Variants in PHF21B observed in about 807,000 individuals in gnomAD.
PHF21B encodes the protein PHD finger protein 4.
A neutral mutation model predicts 62.2 loss-of-function variants in PHF21B; 22 were observed. That is an observed-to-expected ratio of 0.35 (90% CI 0.25 to 0.51). The LOEUF (loss-of-function observed/expected upper bound fraction) is 0.51. Ranked by LOEUF, PHF21B falls within the 20% of genes least tolerant of loss-of-function variation. The probability of loss-of-function intolerance (pLI) is 0.97; values close to 1 mark genes in which losing one functional copy is unlikely to be tolerated. For synonymous variants in PHF21B, 341 were observed against 314.7 expected (o/e 1.08, Z -0.88); for missense variants, 701 against 707.9 (o/e 0.99, Z 0.11).
At position 44,920,367 on chromosome 22, in the gene PHF21B, A is replaced by G. The variant is rs761526779; in HGVS notation, c.213+31T>C. On this transcript the variant is annotated intron_variant, in intron 3 of 12. Coordinates refer to ENST00000313237, the MANE Select transcript of PHF21B (RefSeq NM_138415.5). ...AGAGACTGCGGGGACAGACAGACGG[A>G]CACCCCAGGGCCCGCCCGAGGGCTG... 4 of 1,547,106 alleles carry G rather than the reference A, an allele frequency of 2.6e-6. No homozygotes were observed. In the East Asian group the frequency reaches 9.4e-5, roughly 36 times the overall value.
chr22:44,990,986 C>T (rs901817637), intron 2 of PHF21B, among the ~76,000 whole-genome samples: 3 of 152,228 alleles, frequency 2.0e-5, no homozygotes, highest in African/African-American at 7.2e-5. Flanking sequence ...GCCCTGCTGC[C>T]GCGGCTCCTC....
chr22:44,922,258 T>C (rs1391923246), intron 2 of PHF21B, among the ~76,000 whole-genome samples: 1 of 152,356 alleles, frequency 6.6e-6, no homozygotes, highest in Non-Finnish European at 1.5e-5. Context: ...AAAAACCGTA[T>C]GCCGGCCTCA....
intron 2 of PHF21B, among the ~76,000 whole-genome samples, chr22:44,944,752 G>A (rs1199386721): frequency 1.3e-5 from 2 of 152,224 alleles, no homozygotes; most frequent in East Asian, 3.8e-4. Flanking sequence ...AGCTGACCGA[G>A]CTCCTGATGA....
chr22:44,913,811 G>A lies in PHF21B; in HGVS notation c.831+11C>T, dbSNP rs2071385949. On this transcript the variant is annotated intron_variant, in intron 5 of 12. Coordinates refer to ENST00000313237, the MANE Select transcript of PHF21B (RefSeq NM_138415.5). ...AGCAGGGCCTGGGCCCTCCGGAGAG[G>A]CCTGTCCTACCTCGGGGTTCTCCTG... 6.2e-7 allele frequency: 1 copy of A among 1,610,512 alleles called. No individual in the cohort carries two copies.
rs908755585 is a variant in PHF21B, at chr22:45,001,621, A to G, written c.120+6924T>C. Among the ~76,000 whole-genome samples the G allele has an allele frequency of 2.0e-5, 3 of 152,254 alleles. No individual in the cohort carries two copies. In the East Asian group the frequency reaches 5.8e-4, roughly 29 times the overall value. ...GCCCTCTGCAAGTGTAAAGCCTTAT[A>G]GAGTGAGATGTCACCGTCACTCACA... is the stretch of plus-strand genomic sequence containing the variant. On this transcript the variant is annotated intron_variant, in intron 2 of 12. Transcript: ENST00000313237.
At chr22:44,955,462 G>T (rs996551064) in intron 2 of PHF21B, among the ~76,000 whole-genome samples, 5 of 152,248 alleles carry the variant, frequency 3.3e-5, no homozygotes, top group African/African-American at 1.2e-4. Context: ...GGCGTTTCTG[G>T]AAGAGATCAG....
rs1601566032 is a variant in PHF21B at position 44,889,775 on chromosome 22, C to T, written c.1023G>A (p.Glu341=). ...GGACACGTACCTTCCAGCAGGGGTC[C>T]TCATTGGCTAGCACAGGGAAGAAGG... ...NPLFLTARAN[E]DPCWKNEITH... Residue 341 remains glutamate, a synonymous_variant, in exon 9 of 13, where the codon GAG becomes GAA. Transcript: ENST00000313237. 1.3e-6 allele frequency: 2 copies of T among 1,564,128 alleles called. No homozygotes were observed. The highest frequency in any genetic ancestry group is 1.2e-5 in the South Asian group (1 of 81,810).
chr22:45,009,361 TCGCCCCC>T lies in PHF21B; in HGVS notation c.54+128_54+134del. The T allele has an allele frequency of 1.1e-6, 1 of 922,430 alleles. No individual in the cohort carries two copies. The highest frequency in any genetic ancestry group is 1.8e-5 in the South Asian group (1 of 55,744). 57.1% of individuals were successfully genotyped at this position (922,430 alleles called of 1,614,324 possible). On this transcript the variant is annotated intron_variant, in intron 1 of 12. Coordinates refer to ENST00000313237, the MANE Select transcript of PHF21B (RefSeq NM_138415.5). This position sits in a 1 kb window ranked among gnomAD's most constrained non-coding sequence, Gnocchi z 5.9. Reference sequence around the variant, plus strand: ...GGGGTCCGCGCGTGTGCTCACTCCCTCGCCCCCCGCCCCCGGGCAGGCTCCAGCCTGG... The same window carrying T: ...GGGGTCCGCGCGTGTGCTCACTCCCTCGCCCCCGGGCAGGCTCCAGCCTGG...
At chr22:44,915,371 C>T (rs2071414086) in intron 4 of PHF21B, among the ~76,000 whole-genome samples, 1 of 152,188 alleles carries the variant, frequency 6.6e-6, no homozygotes, top group Non-Finnish European at 1.5e-5. Context: ...ATGAACAAAA[C>T]AGTGTTTAAA....
chr22:44,889,821 C>A (rs369401413), intron 8 of PHF21B, 39 bp from the exon 9 acceptor site: 1 of 1,538,256 alleles, frequency 6.5e-7, no homozygotes, highest in Non-Finnish European at 8.7e-7. Flanking sequence ...CGTTAGTGGC[C>A]GTCAGAGGAG....
intron 2 of PHF21B, among the ~76,000 whole-genome samples, chr22:44,981,818 T>G (rs1392632343): frequency 6.6e-6 from 1 of 152,180 alleles, no homozygotes; most frequent in African/African-American, 2.4e-5. Flanking sequence ...CTCTCAGAGT[T>G]CTGGAATGGA....
intron 2 of PHF21B, among the ~76,000 whole-genome samples, chr22:44,976,076 TGGGA>T (rs2072733573): frequency 1.3e-5 from 2 of 152,264 alleles, no homozygotes; most frequent in Admixed American, 6.5e-5. Flanking sequence ...GAGGCTGAGG[TGGGA>T]GGATCACCCG....
chr22:44,954,448 T>C (rs1468298290), intron 2 of PHF21B, among the ~76,000 whole-genome samples: 2 of 152,126 alleles, frequency 1.3e-5, no homozygotes, highest in Admixed American at 6.5e-5. Flanking sequence ...CATAAACAGC[T>C]ACAGTGAATG....
At chr22:44,956,938 A>C (rs564112916) in intron 2 of PHF21B, among the ~76,000 whole-genome samples, 2 of 152,314 alleles carry the variant, frequency 1.3e-5, no homozygotes, top group East Asian at 3.9e-4. Context: ...CAATGGCCAC[A>C]TCCACTCACC....
chr22:44,884,310 AC>A, intron 12 of PHF21B, among the ~76,000 whole-genome samples: 3 of 128,794 alleles, frequency 2.3e-5, no homozygotes, highest in African/African-American at 6.4e-5. Flanking sequence ...CACCACCATC[AC>A]TGTGATCAGC....
intron 2 of PHF21B, among the ~76,000 whole-genome samples, chr22:44,939,292 G>A (rs2071909731): frequency 6.6e-6 from 1 of 152,242 alleles, no homozygotes; most frequent in Non-Finnish European, 1.5e-5. Flanking sequence ...GCTCCAGGGT[G>A]CAGTTAGGTA....
intron 2 of PHF21B, among the ~76,000 whole-genome samples, chr22:44,926,726 G>A (rs1299484644): frequency 6.6e-6 from 1 of 152,238 alleles, no homozygotes; most frequent in African/African-American, 2.4e-5. Context: ...CGTGGGCCAT[G>A]GGTAGCTGTG....
intron 2 of PHF21B, among the ~76,000 whole-genome samples, chr22:44,924,525 TATA>T (rs1228871161): frequency 6.6e-6 from 1 of 152,170 alleles, no homozygotes; most frequent in Non-Finnish European, 1.5e-5. Flanking sequence ...TTAGTGCTCT[TATA>T]AGAAGAGACA....
intron 2 of PHF21B, among the ~76,000 whole-genome samples, chr22:45,007,993 G>T (rs1037460671): frequency 5.9e-5 from 9 of 151,628 alleles, no homozygotes; most frequent in African/African-American, 2.2e-4. Flanking sequence ...CCCAAAGTTG[G>T]AGCAGAACTG....
Sources: gnomAD v4.1 joint callset for allele counts (sites outside exome capture counted in the v4.1 genomes callset) on GRCh38, gnomAD v4.1.1 for gene constraint, Gnocchi (gnomAD v3.1) non-coding constraint, MANE v1.5 for transcripts, NCBI Gene and HGNC (gene_info 2026-07-23, HGNC 2026-07-21) for gene names.